DGKB: variants seen among roughly 807,000 people sequenced by gnomAD.
DGKB encodes the protein diacylglycerol kinase beta.
In DGKB, 67 loss-of-function variants were observed where a neutral mutation model predicts 114.3. That is an observed-to-expected ratio of 0.59 (90% CI 0.48 to 0.72). The LOEUF (loss-of-function observed/expected upper bound fraction) is 0.72. DGKB is among the 30% of genes least tolerant of loss of function. The pLI, the probability that DGKB is intolerant of heterozygous loss-of-function variation, is 0.00. For synonymous variants in DGKB, 398 were observed against 323.1 expected (o/e 1.23, Z -2.49); for missense variants, 907 against 975.2 (o/e 0.93, Z 0.93).
intron 13 of DGKB, among the ~76,000 whole-genome samples, chr7:14,654,854 C>G (rs1369077788): frequency 1.3e-5 from 2 of 151,914 alleles, no homozygotes; most frequent in Non-Finnish European, 2.9e-5. Flanking sequence ...AGATCCCCAT[C>G]TTTCACCAGA....
intron 20 of DGKB, among the ~76,000 whole-genome samples, chr7:14,532,910 A>G (rs1389970408): frequency 1.3e-4 from 19 of 151,730 alleles, no homozygotes; most frequent in Admixed American, 1.2e-3. Context: ...TTCCTTGACA[A>G]AGTCAGTCTG....
chr7:14,366,526 A>G (rs1816701004), intron 21 of DGKB, among the ~76,000 whole-genome samples: 1 of 152,128 alleles, frequency 6.6e-6, no homozygotes, highest in African/African-American at 2.4e-5. Context: ...AGTGAGAGGA[A>G]CATGTGTATG....
At chr7:14,776,313 C>A (rs1157248125) in intron 2 of DGKB, among the ~76,000 whole-genome samples, 3 of 152,126 alleles carry the variant, frequency 2.0e-5, no homozygotes, top group African/African-American at 7.2e-5. Flanking sequence ...AAGCCAGCAG[C>A]AGAAATTTGT....
chr7:14,602,146 G>A (rs989868695), intron 17 of DGKB, among the ~76,000 whole-genome samples: 1 of 152,134 alleles, frequency 6.6e-6, no homozygotes, highest in African/African-American at 2.4e-5. Flanking sequence ...AAGTCTAAAA[G>A]TCTATAAAGG....
At chr7:14,656,405 TA>T (rs1473023237) in intron 13 of DGKB, among the ~76,000 whole-genome samples, 1 of 151,244 alleles carries the variant, frequency 6.6e-6, no homozygotes, top group Non-Finnish European at 1.5e-5. Context: ...TTTTTTTTTC[TA>T]GGTTTGAGGT....
intron 9 of DGKB, among the ~76,000 whole-genome samples, chr7:14,691,287 A>G (rs936627537): frequency 6.6e-6 from 1 of 152,196 alleles, no homozygotes; most frequent in African/African-American, 2.4e-5. Flanking sequence ...TGCACCATCA[A>G]TTAGAACCTA....
chr7:14,971,105 T>C (rs1262968491), intron 1 of DGKB, among the ~76,000 whole-genome samples: 1 of 152,180 alleles, frequency 6.6e-6, no homozygotes, highest in Non-Finnish European at 1.5e-5. Flanking sequence ...TCCTGATGAC[T>C]TCAATTGTTG....
chr7:14,918,612 G>A lies in DGKB; in HGVS notation c.-188+56084C>T, dbSNP rs112374499. 6.9e-3 allele frequency among the ~76,000 whole-genome samples: 1,053 copies of A among 152,094 alleles called. 16 individuals carry two copies. The highest frequency in any genetic ancestry group is 0.024 in the African/African-American group (1,004 of 41,476). ...ACAAAGTCCTAAAAAAATCAAAGGA[G>A]AGCTAAATAAATAGAAAGATGTTTC... On this transcript the variant is annotated intron_variant, in intron 1 of 4. Coordinates refer to the DGKB transcript ENST00000437998.
intron 21 of DGKB, among the ~76,000 whole-genome samples, chr7:14,381,387 C>G (rs1469978600): frequency 1.3e-5 from 2 of 152,082 alleles, no homozygotes; most frequent in Admixed American, 1.3e-4. Flanking sequence ...TGAATGTCCT[C>G]TGTGTGTTGG....
intron 21 of DGKB, among the ~76,000 whole-genome samples, chr7:14,382,899 G>T (rs1414712575): frequency 6.6e-6 from 1 of 152,160 alleles, no homozygotes. Flanking sequence ...GGAACAGAAG[G>T]TGAGGAAGGG....
At chr7:14,695,478 TTC>T (rs1164986639) in intron 8 of DGKB, among the ~76,000 whole-genome samples, 137 of 139,010 alleles carry the variant, frequency 9.9e-4, no homozygotes, top group Middle Eastern at 3.5e-3. Context: ...AAATGTTCAT[TTC>T]TCTCTCTCTC....
intron 20 of DGKB, among the ~76,000 whole-genome samples, chr7:14,558,294 ATTCT>A (rs1170931577): frequency 6.6e-6 from 1 of 151,870 alleles, no homozygotes; most frequent in African/African-American, 2.4e-5. Flanking sequence ...TAAATATTAA[ATTCT>A]TTTTTTGTTC....
chr7:14,470,619 T>C (rs1781139203), intron 21 of DGKB, among the ~76,000 whole-genome samples: 1 of 151,836 alleles, frequency 6.6e-6, no homozygotes, highest in South Asian at 2.1e-4. Context: ...TCTACAAAGA[T>C]ACATGTTAAA....
chr7:14,195,624 C>G (rs1784906134), intron 23 of DGKB, among the ~76,000 whole-genome samples: 1 of 152,084 alleles, frequency 6.6e-6, no homozygotes, highest in Non-Finnish European at 1.5e-5. Context: ...ATATTATAAA[C>G]TATAATGAGA....
At chr7:14,252,984 A>C (rs1795454182) in intron 23 of DGKB, among the ~76,000 whole-genome samples, 1 of 151,898 alleles carries the variant, frequency 6.6e-6, no homozygotes, top group Non-Finnish European at 1.5e-5. Context: ...TCTGTCATCC[A>C]GATTCCTTAG....
chr7:14,646,413 A>C (rs879711780), intron 13 of DGKB, among the ~76,000 whole-genome samples: 2 of 152,176 alleles, frequency 1.3e-5, no homozygotes, highest in Non-Finnish European at 2.9e-5. Context: ...AATGCCCCAC[A>C]TTGAGTATTA....
chr7:14,222,255 T>A (rs1251453414), intron 23 of DGKB, among the ~76,000 whole-genome samples: 1 of 151,018 alleles, frequency 6.6e-6, no homozygotes, highest in Non-Finnish European at 1.5e-5. Context: ...ATAGGCTATT[T>A]ATTTAAGCTG....
intron 2 of DGKB, among the ~76,000 whole-genome samples, chr7:14,823,141 T>A (rs1016504059): frequency 1.3e-5 from 2 of 151,782 alleles, no homozygotes; most frequent in African/African-American, 2.4e-5. Context: ...AAAAAACTAT[T>A]CAAAATTTGT....
intron 21 of DGKB, among the ~76,000 whole-genome samples, chr7:14,379,620 C>T (rs1418030638): frequency 6.6e-6 from 1 of 151,848 alleles, no homozygotes; most frequent in Non-Finnish European, 1.5e-5. Flanking sequence ...AGTGCAGTGG[C>T]ACGATCTCGG....
Sources: allele counts gnomAD v4.1 joint callset (sites outside exome capture counted in the v4.1 genomes callset), GRCh38; gene constraint gnomAD v4.1.1; transcripts MANE v1.5; gene names NCBI Gene and HGNC (gene_info 2026-07-23, HGNC 2026-07-21).